The following PCSK6 variants were observed in gnomAD, a reference collection of about 807,000 sequenced individuals.
The protein encoded by PCSK6 is paired basic amino acid cleaving enzyme 4.
In PCSK6, 85 loss-of-function variants were observed where a neutral mutation model predicts 123.3. That is an observed-to-expected ratio of 0.69 (90% CI 0.58 to 0.83). The LOEUF is 0.83. Among genes scored for constraint, PCSK6 ranks in the 40% least tolerant of loss-of-function variants. The pLI, the probability that PCSK6 is intolerant of heterozygous loss-of-function variation, is 0.00. For synonymous variants in PCSK6, 508 were observed against 516.0 expected, an observed-to-expected ratio of 0.98 and a Z score of 0.21; for missense variants, 1,191 against 1,282.3, an observed-to-expected ratio of 0.93 and a Z score of 1.09.
At chr15:101,432,643 C>CAG (rs970623817) in intron 2 of PCSK6, among the ~76,000 whole-genome samples, 57 of 147,910 alleles carry the variant, frequency 3.9e-4, no homozygotes, top group Middle Eastern at 3.4e-3. Flanking sequence ...AAAAAAAAGA[C>CAG]AGAGAGAGAG....
chr15:101,424,697 G>A (rs2056196042), intron 6 of PCSK6, among the ~76,000 whole-genome samples: 1 of 152,198 alleles, frequency 6.6e-6, no homozygotes, highest in African/African-American at 2.4e-5. Flanking sequence ...TGCACTGTGG[G>A]TTTATAACAT....
chr15:101,459,689 A>ACAGCTCCAGCTGGGCC (rs1196019372), intron 1 of PCSK6, among the ~76,000 whole-genome samples: 3 of 149,366 alleles, frequency 2.0e-5, no homozygotes, highest in Non-Finnish European at 4.5e-5. Flanking sequence ...AACTATGAAC[A>ACAGCTCCAGCTGGGCC]CAGCTCCAGC....
At chr15:101,356,628 C>T (rs528794912) in intron 13 of PCSK6, among the ~76,000 whole-genome samples, 7 of 151,480 alleles carry the variant, frequency 4.6e-5, no homozygotes, top group South Asian at 4.2e-4. Context: ...TGCAGTGAGC[C>T]GAGATTGCGC....
chr15:101,484,305 C>G (rs888172693), intron 1 of PCSK6, among the ~76,000 whole-genome samples: 1 of 152,228 alleles, frequency 6.6e-6, no homozygotes, highest in African/African-American at 2.4e-5. Context: ...CAGATCCTTA[C>G]AGCCCACACT....
At chr15:101,464,972 T>C (rs2057423701) in intron 1 of PCSK6, among the ~76,000 whole-genome samples, 1 of 152,040 alleles carries the variant, frequency 6.6e-6, no homozygotes, top group Non-Finnish European at 1.5e-5. Context: ...CTCAGTGTAC[T>C]TGACTCGCAG....
At chr15:101,361,428 G>A (rs1482548958) in intron 13 of PCSK6, among the ~76,000 whole-genome samples, 1 of 152,142 alleles carries the variant, frequency 6.6e-6, no homozygotes, top group Non-Finnish European at 1.5e-5. Flanking sequence ...TGTAAGGTGG[G>A]AGAGTGGGTA....
chr15:101,433,974 C>G (rs1024341192), intron 2 of PCSK6, among the ~76,000 whole-genome samples: 1 of 149,388 alleles, frequency 6.7e-6, no homozygotes, highest in African/African-American at 2.5e-5. Context: ...GGGCTCAAAA[C>G]CAGTTTCACG....
intron 1 of PCSK6, among the ~76,000 whole-genome samples, chr15:101,468,079 A>G (rs1029583062): frequency 6.6e-6 from 1 of 152,224 alleles, no homozygotes; most frequent in Non-Finnish European, 1.5e-5. Flanking sequence ...AAAAATAACA[A>G]AGGAGAAAAA....
In PCSK6 at chr15:101,366,233, T is replaced by C; in HGVS notation, c.1821A>G (p.Gln607=). Residue 607 remains glutamine, a synonymous_variant, in exon 13 of 22, where the codon CAA becomes CAG. Transcript: ENST00000611716. ...GGTTGCGGACCTGGGATGGCAGATCTTGGATTTCCAAGGTCCACTGCCCTT... is the reference window on the plus strand; with the variant it reads ...GGTTGCGGACCTGGGATGGCAGATCCTGGATTTCCAAGGTCCACTGCCCTT... ...KAEGQWTLEI[Q]DLPSQVRNPE... 6.2e-7 allele frequency: 1 copy of C among 1,613,678 alleles called. No homozygotes were observed. The highest frequency in any genetic ancestry group is 8.5e-7 in the Non-Finnish European group (1 of 1,179,724).
chr15:101,355,463 C>G (rs967318900), intron 13 of PCSK6, among the ~76,000 whole-genome samples: 2 of 152,244 alleles, frequency 1.3e-5, no homozygotes, highest in African/African-American at 4.8e-5. Flanking sequence ...GAGGGCTAGG[C>G]CAACTCAGTA....
rs991938139 is a variant in PCSK6 at position 101,393,441 on chromosome 15, A to C, written c.997-17T>G. The C allele has an allele frequency of 3.1e-6, 5 of 1,596,270 alleles. No individual in the cohort carries two copies. The highest frequency in any genetic ancestry group is 4.3e-6 in the Non-Finnish European group (5 of 1,173,226). The stretch of plus-strand genomic sequence containing the variant: ...CTGCCGGCCCTGGAGGGACAAGAGG[A>C]ACAAGGCTTAGCCCCGCAGCAGAAC... On this transcript the variant is annotated splice_polypyrimidine_tract_variant and intron_variant, in intron 7 of 21. Coordinates refer to ENST00000611716, the MANE Select transcript of PCSK6 (RefSeq NM_002570.5).
At chr15:101,459,688 C>T (rs1266824575) in intron 1 of PCSK6, among the ~76,000 whole-genome samples, 2 of 150,716 alleles carry the variant, frequency 1.3e-5, no homozygotes, top group Non-Finnish European at 3.0e-5. Flanking sequence ...CAACTATGAA[C>T]ACAGCTCCAG....
At chr15:101,484,796 A>G (rs977003948) in intron 1 of PCSK6, among the ~76,000 whole-genome samples, 1 of 151,406 alleles carries the variant, frequency 6.6e-6, no homozygotes, top group African/African-American at 2.4e-5. Context: ...CTGTGTAGAT[A>G]TAGATCTGGT....
At chr15:101,454,581 TAG>T (rs1567232892) in intron 1 of PCSK6, among the ~76,000 whole-genome samples, 1 of 152,068 alleles carries the variant, frequency 6.6e-6, no homozygotes, top group East Asian at 1.9e-4. Flanking sequence ...GCCAAATTCA[TAG>T]AGACAGAATG....
chr15:101,369,135 A>G (rs1160157710), intron 12 of PCSK6, among the ~76,000 whole-genome samples: 1 of 152,158 alleles, frequency 6.6e-6, no homozygotes, highest in East Asian at 1.9e-4. Flanking sequence ...CGGGCCCGCC[A>G]CCTGCTGCCA....
At chr15:101,326,187 T>G (rs1004212730) in intron 16 of PCSK6, among the ~76,000 whole-genome samples, 190 bp downstream of exon 16, 1 of 152,276 alleles carries the variant, frequency 6.6e-6, no homozygotes, top group Non-Finnish European at 1.5e-5. Context: ...GTAATGGACA[T>G]GTATGACTTG....
At chr15:101,347,541 A>G (rs1465976756) in intron 13 of PCSK6, 4 of 1,366,816 alleles carry the variant, frequency 2.9e-6, no homozygotes, top group Non-Finnish European at 3.8e-6. Flanking sequence ...GATTTAAACA[A>G]GGTTCATGCT....
chr15:101,480,043 G>C (rs911997650), intron 1 of PCSK6, among the ~76,000 whole-genome samples: 1 of 152,240 alleles, frequency 6.6e-6, no homozygotes, highest in East Asian at 1.9e-4. Context: ...ACCAAAGCGG[G>C]AAAGTCTGGA....
intron 2 of PCSK6, among the ~76,000 whole-genome samples, chr15:101,437,198 G>A (rs1477569039): frequency 6.6e-6 from 1 of 152,204 alleles, no homozygotes; most frequent in Non-Finnish European, 1.5e-5. Context: ...CAAGTTCTCC[G>A]AGTGAGGGAT....
Sources: allele counts gnomAD v4.1 joint callset (sites outside exome capture counted in the v4.1 genomes callset), GRCh38; gene constraint gnomAD v4.1.1; transcripts MANE v1.5; gene names NCBI Gene and HGNC (gene_info 2026-07-23, HGNC 2026-07-21).